The following LARS1 variants were observed in gnomAD, a reference collection of about 807,000 sequenced individuals.
LARS1 encodes leucyl-tRNA synthetase 1, also known as leucine--tRNA ligase, cytoplasmic.
Under a neutral mutation model 162.8 loss-of-function variants are expected in LARS1, and 100 were observed. The ratio of observed to expected loss-of-function variants is 0.61; its 90% CI spans 0.52 to 0.73. The LOEUF is 0.73. Among genes scored for constraint, LARS1 ranks in the 30% least tolerant of loss-of-function variants. The probability of loss-of-function intolerance (pLI) is 0.00; values close to 1 mark genes in which losing one functional copy is unlikely to be tolerated. For synonymous variants in LARS1, 457 were observed against 462.8 expected, an observed-to-expected ratio of 0.99 and a Z score of 0.16; for missense variants, 1,258 against 1,408.9, an observed-to-expected ratio of 0.89 and a Z score of 1.71.
Position 146,157,493 on chromosome 5 carries a change from G to A in LARS1, c.975C>T (p.Ile325=). The change falls in exon 10 of 32, where the codon ATC becomes ATT. Residue 325 remains isoleucine (I), a synonymous_variant. Transcript: ENST00000394434. Reference sequence around the variant, plus strand: ...TATTCCTGGCTGCTTTTTGGGTACAGATGAATATATCACCATTCACCGTCT... The same window carrying A: ...TATTCCTGGCTGCTTTTTGGGTACAAATGAATATATCACCATTCACCGTCT... ...GFETVNGDIF[I]CTQKAARNMS... is the part of the protein sequence containing the mutation. 1.2e-6 allele frequency: 2 copies of A among 1,614,150 alleles called. No homozygotes were observed. The highest frequency in any genetic ancestry group is 1.1e-5 in the South Asian group (1 of 91,090).
intron 5 of LARS1, among the ~76,000 whole-genome samples, chr5:146,167,394 G>A (rs961481733): frequency 1.3e-4 from 20 of 151,940 alleles, no homozygotes; most frequent in African/African-American, 4.3e-4. Flanking sequence ...AAATAGGAAA[G>A]TCAGAAAGAT....
At chr5:146,119,877 C>T (rs540347218) in intron 31 of LARS1, among the ~76,000 whole-genome samples, 5 of 152,074 alleles carry the variant, frequency 3.3e-5, no homozygotes, top group Admixed American at 3.3e-4. Flanking sequence ...TCCAGTTCAC[C>T]ATCTATAAAA....
intron 14 of LARS1, among the ~76,000 whole-genome samples, chr5:146,150,263 T>C (rs1391300431): frequency 1.3e-5 from 2 of 152,206 alleles, no homozygotes; most frequent in South Asian, 4.1e-4. Context: ...CAGCTTTCTC[T>C]GGTAATAAAG....
chr5:146,116,939 C>T (rs1054215358), intron 31 of LARS1, among the ~76,000 whole-genome samples: 2 of 152,186 alleles, frequency 1.3e-5, no homozygotes, highest in South Asian at 4.1e-4. Flanking sequence ...ACTGAATATA[C>T]TCAGGCCTTT....
At chr5:146,130,846 C>A in intron 24 of LARS1, 173 bp downstream of exon 24, 1 of 447,488 alleles carries the variant, frequency 2.2e-6, no homozygotes, top group Non-Finnish European at 3.9e-6. Flanking sequence ...GAAAAAATAC[C>A]AAAGATAATA....
chr5:146,125,582 G>A (rs1423520408), intron 28 of LARS1, among the ~76,000 whole-genome samples: 1 of 151,928 alleles, frequency 6.6e-6, no homozygotes, highest in East Asian at 1.9e-4. Context: ...CTCCTAAAAA[G>A]TTTGGTTCTA....
chr5:146,139,040 G>GAA (rs371218055), intron 21 of LARS1: 2,251 of 204,086 alleles, frequency 0.011, 24 homozygotes, highest in Non-Finnish European at 0.015. Flanking sequence ...GTGGATTTGT[G>GAA]AAAAAAAAAA....
intron 15 of LARS1, among the ~76,000 whole-genome samples, chr5:146,148,379 G>GAA (rs1219072803): frequency 6.6e-6 from 1 of 152,186 alleles, no homozygotes; most frequent in Non-Finnish European, 1.5e-5. Flanking sequence ...TGATGTGTTT[G>GAA]AACTGAGTAA....
chr5:146,165,086 A>G (rs1265538167), intron 5 of LARS1, among the ~76,000 whole-genome samples: 1 of 152,196 alleles, frequency 6.6e-6, no homozygotes, highest in Non-Finnish European at 1.5e-5. Flanking sequence ...CTGTAATATC[A>G]GCACTTTGGG....
chr5:146,171,105 C>G (rs62373801), intron 4 of LARS1, among the ~76,000 whole-genome samples: 33,787 of 151,724 alleles, frequency 0.22, 4,800 homozygotes, highest in Admixed American at 0.34. Flanking sequence ...GCTTGTAATC[C>G]CAGCACTTTG....
chr5:146,163,515 G>A (rs970666125), intron 6 of LARS1, among the ~76,000 whole-genome samples: 14 of 151,984 alleles, frequency 9.2e-5, no homozygotes, highest in Middle Eastern at 3.4e-3. Flanking sequence ...GTGAAACCTC[G>A]TCTCTACTAA....
At chr5:146,131,827 A>C (rs1303276623) in intron 23 of LARS1, 1 of 152,176 alleles carries the variant, frequency 6.6e-6, no homozygotes, top group Non-Finnish European at 1.5e-5. Flanking sequence ...ACAATAACTA[A>C]TACTGGATAT....
At chr5:146,174,474 A>G (rs1581089590) in intron 2 of LARS1, among the ~76,000 whole-genome samples, 1 of 9,124 alleles carries the variant, frequency 1.1e-4, no homozygotes, top group Non-Finnish European at 2.7e-4. Context: ...CCATATATAT[A>G]TATATATATC....
intron 31 of LARS1, among the ~76,000 whole-genome samples, chr5:146,115,209 C>A (rs1764155825): frequency 6.6e-6 from 1 of 151,970 alleles, no homozygotes; most frequent in South Asian, 2.1e-4. Flanking sequence ...TTAGCATTAT[C>A]CTATATGGTC....
intron 1 of LARS1, among the ~76,000 whole-genome samples, chr5:146,181,689 C>T (rs1754852525): frequency 6.6e-6 from 1 of 151,794 alleles, no homozygotes; most frequent in Non-Finnish European, 1.5e-5. Flanking sequence ...AACTGTACTA[C>T]CCCACCGTAC....
At chr5:146,160,519 G>A in intron 6 of LARS1, 33 bp from the exon 7 acceptor site, 1 of 1,145,304 alleles carries the variant, frequency 8.7e-7, no homozygotes, top group African/African-American at 1.6e-5. Flanking sequence ...GGCAATTACT[G>A]AGAAATACAC....
intron 5 of LARS1, among the ~76,000 whole-genome samples, chr5:146,165,625 C>G (rs1005323991): frequency 4.7e-5 from 7 of 150,354 alleles, no homozygotes; most frequent in Non-Finnish European, 1.0e-4. Context: ...CAGACTGTGA[C>G]AAATCTATCT....
Position 146,131,071 on chromosome 5 carries a change from T to C in LARS1, c.2435A>G (p.Tyr812Cys), listed in dbSNP as rs1311848922. ...NAGIIKTDQN[Y>C]EKMMFKEALK... is the part of the protein sequence containing the mutation. ...AGCTTCTTTAAACATCATCTTTTCATAGTTTTGATCTGTTTTTATAATTCC... is the reference window on the plus strand; with the variant it reads ...AGCTTCTTTAAACATCATCTTTTCACAGTTTTGATCTGTTTTTATAATTCC... The change falls in exon 24 of 32, where the codon TAT (tyrosine) becomes TGT (cysteine). Residue 812 changes from tyrosine (Y) to cysteine (C), a missense_variant. Physicochemically the swap from Tyr to Cys is radical, Grantham distance 194 (BLOSUM62 -2). Transcript: ENST00000394434. The C allele has an allele frequency of 2.5e-6, 4 of 1,596,648 alleles. No homozygotes were observed. The highest frequency in any genetic ancestry group is 2.7e-5 in the African/African-American group (2 of 74,250).
intron 1 of LARS1, among the ~76,000 whole-genome samples, chr5:146,179,954 G>A (rs916427169): frequency 1.3e-5 from 2 of 152,146 alleles, no homozygotes; most frequent in African/African-American, 4.8e-5. Context: ...GTTGACTTCT[G>A]TTAAATGCAA....
Sources: gnomAD v4.1 joint callset for allele counts (sites outside exome capture counted in the v4.1 genomes callset) on GRCh38, gnomAD v4.1.1 for gene constraint, MANE v1.5 for transcripts, NCBI Gene and HGNC (gene_info 2026-07-23, HGNC 2026-07-21) for gene names.